The following SLC5A5 variants were observed in gnomAD, a reference collection of about 807,000 sequenced individuals.
The protein encoded by SLC5A5 is solute carrier family 5 member 5.
In SLC5A5, 56 loss-of-function variants were observed where a neutral mutation model predicts 68.6. That is an observed-to-expected ratio of 0.82 (90% CI 0.66 to 1.02). The LOEUF is 1.02. SLC5A5 is among the 50% of genes least tolerant of loss of function. The pLI, the probability that SLC5A5 is intolerant of heterozygous loss-of-function variation, is 0.00. For missense variants in SLC5A5, 807 were observed against 859.8 expected (o/e 0.94, Z 0.77); for synonymous variants, 398 against 373.0 (o/e 1.07, Z -0.77).
chr19:17,893,336 C>G (rs2030272990), intron 14 of SLC5A5, among the ~76,000 whole-genome samples: 1 of 151,998 alleles, frequency 6.6e-6, no homozygotes, highest in African/African-American at 2.4e-5. Flanking sequence ...CTCCTGGGCT[C>G]AAGTGATCTG....
chr19:17,881,316 G>C (rs551209745), intron 8 of SLC5A5, among the ~76,000 whole-genome samples: 9 of 151,920 alleles, frequency 5.9e-5, no homozygotes, highest in Middle Eastern at 3.4e-3. Context: ...ACCCAGGCTG[G>C]AGTGCAGTGG....
At chr19:17,875,610 CAA>C (rs1417364557) in intron 4 of SLC5A5, among the ~76,000 whole-genome samples, 2 of 142,790 alleles carry the variant, frequency 1.4e-5, no homozygotes, top group South Asian at 2.3e-4. Context: ...CCCATCTCTA[CAA>C]AAAAAATTTT....
intron 2 of SLC5A5, 109 bp from the exon 3 acceptor site, chr19:17,874,385 C>G (rs1313566255): frequency 8.5e-7 from 1 of 1,179,634 alleles, no homozygotes; most frequent in Non-Finnish European, 1.3e-6. Context: ...CTGGAAGACC[C>G]GGCCTATCTG....
At position 17,872,292 on chromosome 19, in the gene SLC5A5, G is replaced by T. The variant is rs2094296046; in HGVS notation, c.-28G>T. 2.0e-6 allele frequency: 3 copies of T among 1,532,904 alleles called. No individual in the cohort carries two copies. The South Asian group carries it at 3.5e-5, about 18-fold the overall frequency. The allele number at this position is 1,532,904 out of a possible 1,614,324, so 95.0% of individuals were successfully genotyped here. ...CGCTTGAGCACGCAGGGCGTCCGAGGACGCGCTGGGCCTCCGCACCCGCCC... is the reference window on the plus strand; with the variant it reads ...CGCTTGAGCACGCAGGGCGTCCGAGTACGCGCTGGGCCTCCGCACCCGCCC... On this transcript the variant is annotated 5_prime_UTR_variant, in exon 1 of 15. Coordinates refer to ENST00000222248, the MANE Select transcript of SLC5A5 (RefSeq NM_000453.3).
chr19:17,877,610 C>A (rs1301832150), intron 5 of SLC5A5, 113 bp from the exon 6 acceptor site: 1 of 1,409,362 alleles, frequency 7.1e-7, no homozygotes, highest in Non-Finnish European at 9.8e-7. Flanking sequence ...GCCTGGCCAA[C>A]AAAACCCACT....
chr19:17,883,833 G>A lies in SLC5A5; in HGVS notation c.1330-17G>A. ...GGACAGGCCCCTCCCCTTCCCTGACGCCGGCTCTGCCCCCAGGGCGTCCTC... is the reference window on the plus strand; with the variant it reads ...GGACAGGCCCCTCCCCTTCCCTGACACCGGCTCTGCCCCCAGGGCGTCCTC... On this transcript the variant is annotated splice_polypyrimidine_tract_variant and intron_variant, in intron 11 of 14. Coordinates refer to ENST00000222248, the MANE Select transcript of SLC5A5 (RefSeq NM_000453.3). 21 of 1,603,474 alleles carry A rather than the reference G, an allele frequency of 1.3e-5. 1 individual carries two copies. The highest frequency in any genetic ancestry group is 4.4e-5 in the South Asian group (4 of 90,402).
intron 4 of SLC5A5, 79 bp downstream of exon 4, chr19:17,874,810 C>T: frequency 7.1e-7 from 1 of 1,406,882 alleles, no homozygotes. Context: ...GGGCTTGCCC[C>T]TTTCTCCTGA....
In SLC5A5 at chr19:17,884,496, G is replaced by T. The variant is rs533822469; in HGVS notation, c.1526+450G>T. 7.0e-4 allele frequency among the ~76,000 whole-genome samples: 107 copies of T among 151,846 alleles called. 1 individual carries two copies. Among genetic ancestry groups the T allele is most frequent in the Non-Finnish European group, 9.4e-4 (64 of 68,018 alleles). ...TAAAAGTGGCATTTAGGCCAGGCAG[G>T]CACAGTGGCTCACACCTGTAATCCC... On this transcript the variant is annotated intron_variant, in intron 12 of 14. Transcript: ENST00000222248.
At chr19:17,873,223 G>A (rs1160081824) in intron 1 of SLC5A5, among the ~76,000 whole-genome samples, 1 of 152,194 alleles carries the variant, frequency 6.6e-6, no homozygotes, top group Non-Finnish European at 1.5e-5. Context: ...CACTTTGGGA[G>A]GCCAAAGCAT....
chr19:17,877,815 C>T lies in SLC5A5; in HGVS notation c.791C>T (p.Ala264Val), dbSNP rs1426316490. 7.4e-6 allele frequency: 12 copies of T among 1,614,084 alleles called. No homozygotes were observed. Among genetic ancestry groups the T allele is most frequent in the East Asian group, 2.2e-5 (1 of 44,898 alleles). ...CTCTCCATGTATGGCGTGAACCAGGCGCAGGTGCAGCGCTACGTGGCTTGC... is the reference window on the plus strand; with the variant it reads ...CTCTCCATGTATGGCGTGAACCAGGTGCAGGTGCAGCGCTACGTGGCTTGC... ...VWLSMYGVNQ[A>V]QVQRYVACRT... The change falls in exon 6 of 15, where the codon GCG becomes GTG. Residue 264 changes from alanine to valine, a missense_variant. Physicochemically the swap from Ala to Val is moderately conservative, Grantham distance 64. Coordinates refer to ENST00000222248, the MANE Select transcript of SLC5A5 (RefSeq NM_000453.3).
intron 7 of SLC5A5, 130 bp downstream of exon 7, chr19:17,878,223 A>T: frequency 8.8e-7 from 1 of 1,139,746 alleles, no homozygotes; most frequent in Non-Finnish European, 1.3e-6. Context: ...AGCTGAGAGG[A>T]GGCCAGGTGC....
chr19:17,874,150 C>A lies in SLC5A5; in HGVS notation c.370C>A (p.Arg124Ser), dbSNP rs763245591. The A allele has an allele frequency of 1.1e-5, 17 of 1,612,020 alleles. No homozygotes were observed. The highest frequency in any genetic ancestry group is 1.4e-5 in the Non-Finnish European group (17 of 1,178,632). The part of the protein sequence containing the change: ...LTSTYEYLEM[R>S]FSRAVRLCGT... The stretch of plus-strand genomic sequence containing the variant: ...TCCCTCCTTGCAGTACCTGGAGATG[C>A]GCTTCAGCCGCGCAGTGCGGCTCTG... The change falls in exon 2 of 15, where the codon CGC (arginine) becomes AGC (serine). Residue 124 changes from arginine (R) to serine (S), a missense_variant. Transcript: ENST00000222248.
chr19:17,875,588 C>T (rs909729366), intron 4 of SLC5A5, among the ~76,000 whole-genome samples: 2 of 1,274 alleles, frequency 1.6e-3, no homozygotes, highest in African/African-American at 3.0e-3. Context: ...CATAGTGAGA[C>T]CCCCCCCCGC....
At position 17,872,089 on chromosome 19, in the gene SLC5A5, A is replaced by G. The variant is rs2094295380; in HGVS notation, c.-231A>G. 5 of 565,754 alleles carry G rather than the reference A, an allele frequency of 8.8e-6. No individual in the cohort carries two copies. Among genetic ancestry groups the G allele is most frequent in the Middle Eastern group, 4.7e-4 (1 of 2,110 alleles). 35.0% of individuals were successfully genotyped at this position (565,754 alleles called of 1,614,324 possible). A position where few individuals can be genotyped will look rare whatever the true frequency, so the allele number is the denominator to read the frequency against. On this transcript the variant is annotated 5_prime_UTR_variant, in exon 1 of 15. Transcript: ENST00000222248. The stretch of plus-strand genomic sequence containing the variant: ...ACAGACAGACAGCAGGGGCGGACGC[A>G]GAGACAGACAGCGGGGACAGGGAGG...
chr19:17,880,823 G>A (rs1339142903), intron 7 of SLC5A5, 42 bp from the exon 8 acceptor site: 4 of 1,456,386 alleles, frequency 2.7e-6, no homozygotes, highest in Non-Finnish European at 3.9e-6. Context: ...CCCGGTCCTC[G>A]GGGTGCAGCT....
At chr19:17,881,032 G>A in intron 8 of SLC5A5, 79 bp downstream of exon 8, 4 of 1,068,232 alleles carry the variant, frequency 3.7e-6, no homozygotes, top group Non-Finnish European at 5.8e-6. Flanking sequence ...TCCCTCTGGG[G>A]CATGGAATGT....
intron 13 of SLC5A5, among the ~76,000 whole-genome samples, chr19:17,888,682 G>C (rs2030029278): frequency 6.6e-6 from 1 of 150,714 alleles, no homozygotes; most frequent in Non-Finnish European, 1.5e-5. Flanking sequence ...ACCCAGGCTG[G>C]AGTGCAGTGG....
chr19:17,894,097 C>T lies in SLC5A5; in HGVS notation c.*220C>T. ...CAACCGTCCCCAGTATTAGACGCTG[C>T]AGCCCTGACGGCTCCCCCCAAATAA... On this transcript the variant is annotated 3_prime_UTR_variant, in exon 15 of 15. Coordinates refer to ENST00000222248, the MANE Select transcript of SLC5A5 (RefSeq NM_000453.3). The T allele has an allele frequency of 1.8e-6, 1 of 570,938 alleles. No homozygotes were observed. The highest frequency in any genetic ancestry group is 3.1e-6 in the Non-Finnish European group (1 of 321,430). The allele number at this position is 570,938 out of a possible 1,614,324, so 35.4% of individuals were successfully genotyped here. A position where few individuals can be genotyped will look rare whatever the true frequency, so the allele number is the denominator to read the frequency against.
At chr19:17,884,747 T>C (rs1247374297) in intron 12 of SLC5A5, among the ~76,000 whole-genome samples, 1 of 151,838 alleles carries the variant, frequency 6.6e-6, no homozygotes, top group Non-Finnish European at 1.5e-5. Context: ...TATTCCAGCC[T>C]GGGCAACAAA....
Sources: allele counts gnomAD v4.1 joint callset (sites outside exome capture counted in the v4.1 genomes callset), GRCh38; gene constraint gnomAD v4.1.1; transcripts MANE v1.5; gene names NCBI Gene and HGNC (gene_info 2026-07-23, HGNC 2026-07-21).